GDAP1: variants seen among roughly 807,000 people sequenced by gnomAD.
The protein encoded by GDAP1 is ganglioside-induced differentiation-associated protein 1.
In GDAP1, 34 loss-of-function variants were observed where a neutral mutation model predicts 40.1. The ratio of observed to expected loss-of-function variants is 0.85; its 90% CI spans 0.64 to 1.13. The LOEUF (loss-of-function observed/expected upper bound fraction) is 1.13. GDAP1 is among the 50% of genes most tolerant of loss of function. The pLI, the probability that GDAP1 is intolerant of heterozygous loss-of-function variation, is 0.00. For missense variants in GDAP1, 374 were observed against 433.7 expected, an observed-to-expected ratio of 0.86 and a Z score of 1.22; for synonymous variants, 170 against 157.4, an observed-to-expected ratio of 1.08 and a Z score of -0.60.
rs1054921861 is a variant in GDAP1, at chr8:74,414,383, C to G, written c.165+63062C>G. ...TTCAAGCAACTATTATAACACTACT[C>G]GAATAAGAGCAAGCATTCTTGAAAT... On this transcript the variant is annotated intron_variant, in intron 2 of 2. Coordinates refer to the GDAP1 transcript ENST00000523640. Among the ~76,000 whole-genome samples the G allele has an allele frequency of 2.0e-5, 3 of 149,838 alleles. 1 individual carries two copies. Among genetic ancestry groups the G allele is most frequent in the African/African-American group, 5.1e-5 (2 of 39,228 alleles).
chr8:74,439,944 T>C (rs1476377825), intron 2 of GDAP1, among the ~76,000 whole-genome samples: 1 of 152,126 alleles, frequency 6.6e-6, no homozygotes, highest in Non-Finnish European at 1.5e-5. Flanking sequence ...GTAAGTGACA[T>C]TATTTATTTT....
intron 2 of GDAP1, among the ~76,000 whole-genome samples, chr8:74,415,608 G>A (rs1233095892): frequency 2.0e-5 from 3 of 150,154 alleles, no homozygotes; most frequent in Non-Finnish European, 4.4e-5. Context: ...CAACCTGGCA[G>A]TCCAGGCCTC....
chr8:74,458,369 A>C (rs1315654557), intron 2 of GDAP1, among the ~76,000 whole-genome samples: 1 of 152,188 alleles, frequency 6.6e-6, no homozygotes, highest in Non-Finnish European at 1.5e-5. Flanking sequence ...TTGTGAGGTC[A>C]TTATAAAGGA....
At position 74,365,780 on chromosome 8, in the gene GDAP1, C is replaced by G. The variant is rs903695509; in HGVS notation, c.*1413C>G. 3.1e-5 allele frequency: 14 copies of G among 453,596 alleles called. No individual in the cohort carries two copies. The highest frequency in any genetic ancestry group is 4.9e-5 in the Non-Finnish European group (11 of 226,646). 28.1% of individuals were successfully genotyped at this position (453,596 alleles called of 1,614,324 possible). A position where few individuals can be genotyped will look rare whatever the true frequency, so the allele number is the denominator to read the frequency against. On this transcript the variant is annotated 3_prime_UTR_variant, in exon 6 of 6. Coordinates refer to ENST00000220822, the MANE Select transcript of GDAP1 (RefSeq NM_018972.4). ...AGAAAACCTTGATGAACTATATGTT[C>G]CCGATTTACAAAAAAATTAATAAAA...
intron 2 of GDAP1, among the ~76,000 whole-genome samples, chr8:74,422,035 T>C (rs1369362858): frequency 1.3e-5 from 2 of 152,110 alleles, no homozygotes; most frequent in East Asian, 3.9e-4. Context: ...GTAGAATCCA[T>C]TTAAGGAGAC....
At chr8:74,464,033 A>G (rs1806436619) in intron 2 of GDAP1, among the ~76,000 whole-genome samples, 1 of 152,206 alleles carries the variant, frequency 6.6e-6, no homozygotes, top group South Asian at 2.1e-4. Context: ...TAGTTCTAAT[A>G]TGTTTAACAA....
intron 2 of GDAP1, among the ~76,000 whole-genome samples, chr8:74,381,440 G>A (rs577651517): frequency 1.3e-5 from 2 of 152,152 alleles, no homozygotes; most frequent in East Asian, 1.9e-4. Flanking sequence ...ATATTATTAT[G>A]TGTGATTTTA....
intron 2 of GDAP1, among the ~76,000 whole-genome samples, chr8:74,403,620 G>T (rs943277481): frequency 9.3e-5 from 14 of 150,254 alleles, no homozygotes. Context: ...TCCAGTAAAA[G>T]TATATGGATT....
At position 74,434,080 on chromosome 8, in the gene GDAP1, C is replaced by T. The variant is rs140562948; in HGVS notation, c.166-54598C>T. On this transcript the variant is annotated intron_variant, in intron 2 of 2. Coordinates refer to the GDAP1 transcript ENST00000523640. ...ACATGGCAGTGAATCTTATAGCTTT[C>T]ACTGAGTCATTCTAGCAAATTATTA... 7.2e-5 allele frequency among the ~76,000 whole-genome samples: 11 copies of T among 152,314 alleles called. No homozygotes were observed. The East Asian group carries it at 1.2e-3, about 16-fold the overall frequency.
At chr8:74,404,493 A>G (rs1223475399) in intron 2 of GDAP1, among the ~76,000 whole-genome samples, 2 of 149,754 alleles carry the variant, frequency 1.3e-5, no homozygotes, top group Non-Finnish European at 2.9e-5. Context: ...AGTTATTCTC[A>G]TTTTAAGAAG....
At position 74,366,310 on chromosome 8, in the gene GDAP1, A is replaced by C; in HGVS notation, c.*1943A>C. The C allele has an allele frequency of 2.2e-6, 1 of 454,496 alleles. No individual in the cohort carries two copies. Among genetic ancestry groups the C allele is most frequent in the Non-Finnish European group, 4.4e-6 (1 of 226,780 alleles). The allele number at this position is 454,496 out of a possible 1,614,324, so 28.2% of individuals were successfully genotyped here. A position where few individuals can be genotyped will look rare whatever the true frequency, so the allele number is the denominator to read the frequency against. ...GATGTCGCTGTTTATCCAGTAGACT[A>C]AGATTGAGTGTTCTTTTTGTTCAGC... is the stretch of plus-strand genomic sequence containing the variant. On this transcript the variant is annotated 3_prime_UTR_variant, in exon 6 of 6. Transcript: ENST00000220822.
At chr8:74,363,133 GT>G in intron 5 of GDAP1, 80 bp downstream of exon 5, 1 of 764,522 alleles carries the variant, frequency 1.3e-6, no homozygotes, top group Non-Finnish European at 2.3e-6. Context: ...CACCAAAAAC[GT>G]TCTGTAATCT....
chr8:74,362,804 T>TTTTTTTTTTG, intron 4 of GDAP1, 135 bp from the exon 5 acceptor site: 1 of 397,392 alleles, frequency 2.5e-6, no homozygotes, highest in Non-Finnish European at 4.4e-6. Flanking sequence ...TTTTTTTTTT[T>TTTTTTTTTTG]GCTGAGTTTT....
intron 2 of GDAP1, among the ~76,000 whole-genome samples, chr8:74,409,178 C>T (rs1292156140): frequency 6.7e-6 from 1 of 150,012 alleles, no homozygotes; most frequent in Non-Finnish European, 1.5e-5. Context: ...TAGTTAGTTT[C>T]GTTTAATGTT....
chr8:74,363,096 A>G (rs1401894567), intron 5 of GDAP1, 43 bp downstream of exon 5: 1 of 897,594 alleles, frequency 1.1e-6, no homozygotes, highest in Non-Finnish European at 1.9e-6. Context: ...CAACATCAGT[A>G]TTATTCATGG....
At chr8:74,379,933 G>A (rs1249725124) in intron 2 of GDAP1, among the ~76,000 whole-genome samples, 1 of 152,180 alleles carries the variant, frequency 6.6e-6, no homozygotes, top group Non-Finnish European at 1.5e-5. Context: ...GGCCAGTTGT[G>A]CTTTAAACCC....
intron 2 of GDAP1, among the ~76,000 whole-genome samples, chr8:74,434,542 T>A (rs1806065857): frequency 6.6e-6 from 1 of 152,180 alleles, no homozygotes; most frequent in Non-Finnish European, 1.5e-5. Flanking sequence ...TCAAAGAAGA[T>A]GGGAATTGGA....
chr8:74,412,816 T>C (rs973223370), intron 2 of GDAP1, among the ~76,000 whole-genome samples: 1 of 148,654 alleles, frequency 6.7e-6, no homozygotes, highest in Non-Finnish European at 1.5e-5. Context: ...CCCAGCACTT[T>C]GGGAGGCTGA....
chr8:74,437,020 T>C (rs1806101186), intron 2 of GDAP1, among the ~76,000 whole-genome samples: 2 of 152,278 alleles, frequency 1.3e-5, no homozygotes, highest in Middle Eastern at 3.4e-3. Flanking sequence ...AAGGTAGATA[T>C]GGCTGGAAAG....
Sources: gnomAD v4.1 joint callset for allele counts (sites outside exome capture counted in the v4.1 genomes callset) on GRCh38, gnomAD v4.1.1 for gene constraint, MANE v1.5 for transcripts, NCBI Gene and HGNC (gene_info 2026-07-23, HGNC 2026-07-21) for gene names.